Variants in CDH13 observed in about 807,000 individuals in gnomAD.
The protein encoded by CDH13 is cadherin 13.
In CDH13, 24 loss-of-function variants were observed where a neutral mutation model predicts 63.8. The observed-to-expected ratio is 0.38, with a 90% CI of 0.27 to 0.53. The LOEUF (loss-of-function observed/expected upper bound fraction) is 0.53. Among genes scored for constraint, CDH13 ranks in the 20% least tolerant of loss-of-function variants. The pLI is 0.85. For missense variants in CDH13, 1,049 were observed against 903.1 expected (o/e 1.16, Z -2.07); for synonymous variants, 503 against 355.3 (o/e 1.42, Z -4.67).
chr16:83,033,820 CCAAA>C, intron 3 of CDH13, among the ~76,000 whole-genome samples: 1 of 152,204 alleles, frequency 6.6e-6, no homozygotes, highest in Non-Finnish European at 1.5e-5. Context: ...AGGATTCCAG[CCAAA>C]CAATGACTTA....
intron 10 of CDH13, among the ~76,000 whole-genome samples, chr16:83,698,267 C>T (rs1007008630): frequency 6.6e-6 from 1 of 152,232 alleles, no homozygotes; most frequent in African/African-American, 2.4e-5. Context: ...CAGGGACTGA[C>T]TTTAATATAA....
chr16:83,299,253 C>A (rs927946443), intron 5 of CDH13, among the ~76,000 whole-genome samples: 1 of 151,126 alleles, frequency 6.6e-6, no homozygotes, highest in African/African-American at 2.4e-5. Flanking sequence ...TTATTATTCC[C>A]TTATTTTGGA....
chr16:83,720,204 C>G (rs558995717), intron 10 of CDH13, among the ~76,000 whole-genome samples: 1 of 152,162 alleles, frequency 6.6e-6, no homozygotes, highest in Admixed American at 6.5e-5. Flanking sequence ...CACGTTCACA[C>G]ACTTGTGCAT....
intron 1 of CDH13, chr16:82,825,768 A>G (rs1241321588): frequency 6.6e-6 from 1 of 151,824 alleles, no homozygotes; most frequent in Non-Finnish European, 1.5e-5. Flanking sequence ...GATGGTCTCA[A>G]TTTCCTGAGC....
chr16:83,573,072 C>T (rs751753995), intron 7 of CDH13, among the ~76,000 whole-genome samples: 1 of 152,132 alleles, frequency 6.6e-6, no homozygotes, highest in South Asian at 2.1e-4. Context: ...CATCTCACAC[C>T]ATGAAACATT....
At chr16:83,676,063 TC>T (rs1424241095) in intron 9 of CDH13, among the ~76,000 whole-genome samples, 2 of 151,898 alleles carry the variant, frequency 1.3e-5, no homozygotes, top group African/African-American at 4.8e-5. Flanking sequence ...AATAATGACA[TC>T]CCCAGGAAAG....
intron 1 of CDH13, among the ~76,000 whole-genome samples, chr16:82,849,935 C>T (rs1420856343): frequency 2.0e-5 from 3 of 152,210 alleles, no homozygotes; most frequent in Non-Finnish European, 4.4e-5. Context: ...AAACTATATT[C>T]CCTTCAAATC....
intron 2 of CDH13, among the ~76,000 whole-genome samples, chr16:83,013,584 T>C (rs1220667102): frequency 3.3e-5 from 5 of 152,194 alleles, no homozygotes; most frequent in Admixed American, 3.3e-4. Flanking sequence ...ATAAATCCTC[T>C]TCTCCTGTCC....
intron 3 of CDH13, among the ~76,000 whole-genome samples, chr16:83,118,502 G>A (rs775672139): frequency 2.6e-5 from 4 of 152,196 alleles, no homozygotes; most frequent in Non-Finnish European, 4.4e-5. Context: ...AAGGGGCTGC[G>A]TGTCTACATG....
chr16:83,441,407 A>C (rs1386013788), intron 6 of CDH13, among the ~76,000 whole-genome samples: 1 of 152,256 alleles, frequency 6.6e-6, no homozygotes, highest in Non-Finnish European at 1.5e-5. Flanking sequence ...TGTTAAATGT[A>C]TGTAAAACTT....
At chr16:83,612,466 A>G (rs1212715708) in intron 8 of CDH13, among the ~76,000 whole-genome samples, 3 of 152,038 alleles carry the variant, frequency 2.0e-5, no homozygotes, top group Non-Finnish European at 4.4e-5. Context: ...ATCAATTCCA[A>G]TAATGTTATT....
chr16:82,776,213 GGAAGGAAGGGAT>G (rs1380234337), intron 1 of CDH13, among the ~76,000 whole-genome samples: 3 of 147,476 alleles, frequency 2.0e-5, no homozygotes, highest in Non-Finnish European at 3.0e-5. Flanking sequence ...GTTGAAGAAA[GGAAGGAAGGGAT>G]GAAGGAAGGA....
chr16:83,032,593 A>G (rs1481523550), intron 3 of CDH13, among the ~76,000 whole-genome samples: 1 of 151,900 alleles, frequency 6.6e-6, no homozygotes, highest in Non-Finnish European at 1.5e-5. Flanking sequence ...CTCAGCAACT[A>G]CCCTCTTTCT....
rs76581745 is a variant in CDH13 at position 82,887,183 on chromosome 16, G to A, written c.157+28710G>A. Among the ~76,000 whole-genome samples, 1,073 of 152,218 alleles carry A rather than the reference G, an allele frequency of 7.0e-3. 4 individuals carry two copies. Among genetic ancestry groups the A allele is most frequent in the Non-Finnish European group, 0.011 (753 of 68,020 alleles). ...TCACCAATGGTCTAGGACAGAGGTC[G>A]GAAAACTTTTACTGTAAAGGGCCAA... On this transcript the variant is annotated intron_variant, in intron 2 of 13. Coordinates refer to ENST00000567109, the MANE Select transcript of CDH13 (RefSeq NM_001257.5).
intron 1 of CDH13, chr16:82,727,362 T>C (rs1380053013): frequency 2.0e-5 from 3 of 152,154 alleles, no homozygotes; most frequent in African/African-American, 7.2e-5. Context: ...TGACTGATTT[T>C]CGTTTTCCCT....
chr16:82,983,647 C>T (rs1756453957), intron 2 of CDH13, among the ~76,000 whole-genome samples: 1 of 152,192 alleles, frequency 6.6e-6, no homozygotes, highest in African/African-American at 2.4e-5. Flanking sequence ...TCACACTTGA[C>T]ATAAATTGAC....
rs1272779883 is a variant in CDH13 at position 83,334,361 on chromosome 16, T to TCTCTCTCA, written c.637-10500_637-10499insTCTCTCAC. 8.7e-3 allele frequency among the ~76,000 whole-genome samples: 742 copies of TCTCTCTCA among 85,600 alleles called. 3 individuals are homozygous for TCTCTCTCA. Among genetic ancestry groups the TCTCTCTCA allele is most frequent in the African/African-American group, 0.014 (282 of 20,148 alleles). 56.2% of individuals were successfully genotyped at this position (85,600 alleles called of 152,430 possible). A position where few individuals can be genotyped will look rare whatever the true frequency, so the allele number is the denominator to read the frequency against. On this transcript the variant is annotated intron_variant, in intron 5 of 13. Coordinates refer to ENST00000567109, the MANE Select transcript of CDH13 (RefSeq NM_001257.5). ...TTCTCCCTCTCTCTCTCTCTCTCTC[T>TCTCTCTCA]CACACACACACACACACACACACAC...
At chr16:83,271,539 C>T (rs530779114) in intron 5 of CDH13, among the ~76,000 whole-genome samples, 3 of 132,676 alleles carry the variant, frequency 2.3e-5, no homozygotes, top group Admixed American at 7.7e-5. Context: ...CAAAAAAAAA[C>T]GCTGTACCTA....
In CDH13 at chr16:83,267,494, A is replaced by G. The variant is rs183452329; in HGVS notation, c.636+49997A>G. ...TCTCCAAAACTCACGTTGAAATTTA[A>G]TTGCCACTGTGATGATATTAAGAGG... is the stretch of plus-strand genomic sequence containing the variant. On this transcript the variant is annotated intron_variant, in intron 5 of 13. Coordinates refer to ENST00000567109, the MANE Select transcript of CDH13 (RefSeq NM_001257.5). Among the ~76,000 whole-genome samples the G allele has an allele frequency of 3.3e-5, 5 of 152,266 alleles. No individual in the cohort carries two copies. The East Asian group carries it at 9.7e-4, about 29-fold the overall frequency.
Sources: allele counts gnomAD v4.1 joint callset (sites outside exome capture counted in the v4.1 genomes callset), GRCh38; gene constraint gnomAD v4.1.1; transcripts MANE v1.5; gene names NCBI Gene and HGNC (gene_info 2026-07-23, HGNC 2026-07-21).